The following TESMIN variants were observed in gnomAD, a reference collection of about 807,000 sequenced individuals.
TESMIN encodes the protein CXC domain containing 2.
Under a neutral mutation model 47.4 loss-of-function variants are expected in TESMIN, and 34 were observed. The ratio of observed to expected loss-of-function variants is 0.72; its 90% confidence interval spans 0.55 to 0.96. The LOEUF (loss-of-function observed/expected upper bound fraction) is 0.96, where lower values mean the gene tolerates loss of function less well. Among genes scored for constraint, TESMIN ranks in the 40% least tolerant of loss-of-function variants. TESMIN has a pLI of 0.00. For synonymous variants in TESMIN, 278 were observed against 258.9 expected (o/e 1.07, Z -0.71); for missense variants, 610 against 637.2 (o/e 0.96, Z 0.46).
At chr11:68,714,146 G>A (rs1484846054) in intron 7 of TESMIN, among the ~76,000 whole-genome samples, 1 of 152,228 alleles carries the variant, frequency 6.6e-6, no homozygotes, top group African/African-American at 2.4e-5. Context: ...GGTCACAGTG[G>A]AAGTCTGTGG....
At chr11:68,742,965 C>T (rs1946475492) in intron 4 of TESMIN, among the ~76,000 whole-genome samples, 1 of 151,962 alleles carries the variant, frequency 6.6e-6, no homozygotes, top group Non-Finnish European at 1.5e-5. Context: ...CAGCCTTGAC[C>T]CCCCTAGGCT....
At chr11:68,714,238 G>A (rs1566312639) in intron 7 of TESMIN, among the ~76,000 whole-genome samples, 1 of 152,250 alleles carries the variant, frequency 6.6e-6, no homozygotes, top group Non-Finnish European at 1.5e-5. Flanking sequence ...CATCGCTACA[G>A]AATGTGCTGC....
intron 9 of TESMIN, 48 bp from the exon 10 acceptor site, chr11:68,708,548 T>C (rs767733756): frequency 2.7e-5 from 39 of 1,433,926 alleles, no homozygotes; most frequent in Non-Finnish European, 3.4e-5. Context: ...GCACCATTTC[T>C]ACCTACAGTA....
chr11:68,750,775 A>T, intron 1 of TESMIN, 76 bp from the exon 2 acceptor site: 1 of 23,168 alleles, frequency 4.3e-5, no homozygotes, highest in Non-Finnish European at 6.1e-5. Flanking sequence ...GGGACAGCCA[A>T]GGGAGGGGCA....
At chr11:68,705,736 G>GTT (rs1329859607), downstream of TESMIN, among the ~76,000 whole-genome samples, 8 of 152,200 alleles carry the variant, frequency 5.3e-5, no homozygotes, top group African/African-American at 1.9e-4. Flanking sequence ...GAAAGATATG[G>GTT]TTAAGGCTGG....
intron 6 of TESMIN, chr11:68,737,440 G>A (rs948063244): frequency 2.0e-6 from 2 of 985,574 alleles, no homozygotes; most frequent in Non-Finnish European, 2.4e-6. Context: ...CCAGATTCAC[G>A]GCCTTTCATT....
chr11:68,747,017 A>T (rs1946529223), intron 3 of TESMIN, 191 bp downstream of exon 3: 1 of 612,388 alleles, frequency 1.6e-6, no homozygotes, highest in Non-Finnish European at 2.9e-6. Flanking sequence ...GCTAAGATGG[A>T]GTAGAAATGA....
intron 6 of TESMIN, among the ~76,000 whole-genome samples, chr11:68,727,967 C>T (rs1214707598): frequency 1.3e-5 from 2 of 152,180 alleles, no homozygotes; most frequent in Admixed American, 6.5e-5. Flanking sequence ...ATGAACTTAA[C>T]TGATGAATGC....
At chr11:68,714,081 A>G in intron 7 of TESMIN, among the ~76,000 whole-genome samples, 1 of 152,220 alleles carries the variant, frequency 6.6e-6, no homozygotes. Flanking sequence ...ACAAATACAT[A>G]CATATCTTTA....
intron 6 of TESMIN, among the ~76,000 whole-genome samples, chr11:68,728,650 C>T (rs1250354789): frequency 6.6e-6 from 1 of 152,224 alleles, no homozygotes; most frequent in Non-Finnish European, 1.5e-5. Context: ...GAAGTCAATG[C>T]CTGGCTTCAA....
rs148287677 is a variant in TESMIN, at chr11:68,708,485, G to A, written c.1350C>T (p.Cys450=). ...TGGCCTCCACCACCTCCCAGGAGATGCATGAGGAAGGCCGCCTGTCAGAAA... is the reference window on the plus strand; with the variant it reads ...TGGCCTCCACCACCTCCCAGGAGATACATGAGGAAGGCCGCCTGTCAGAAA... ...RFSHDRRPSS[C]ISWEVVEATC... is the part of the protein sequence containing the mutation. Residue 450 remains cysteine (C), a synonymous_variant, in exon 10 of 10, where the codon TGC becomes TGT. Coordinates refer to ENST00000255087, the MANE Select transcript of TESMIN (RefSeq NM_004923.3). The A allele has an allele frequency of 1.2e-6, 2 of 1,608,646 alleles. No homozygotes were observed. The highest frequency in any genetic ancestry group is 1.7e-6 in the Non-Finnish European group (2 of 1,177,910).
chr11:68,742,737 T>C (rs1946471428), intron 4 of TESMIN, among the ~76,000 whole-genome samples: 1 of 152,162 alleles, frequency 6.6e-6, no homozygotes, highest in African/African-American at 2.4e-5. Context: ...GGAAAAAAAA[T>C]GTTTGAGATA....
rs1361185219 is a variant in TESMIN at position 68,708,413 on chromosome 11, G to A, written c.1422C>T (p.His474=). ...TCTGCTCTGCCAGGCACTTGGAGCAGTGTTCTTTCTCGGCCTCTTCTCCCT... is the reference window on the plus strand; with the variant it reads ...TCTGCTCTGCCAGGCACTTGGAGCAATGTTCTTTCTCGGCCTCTTCTCCCT... The part of the protein sequence containing the change: ...LAQGEEAEKE[H]CSKCLAEQMI... The change falls in exon 10 of 10, where the codon CAC becomes CAT. Residue 474 remains histidine, a synonymous_variant. Coordinates refer to ENST00000255087, the MANE Select transcript of TESMIN (RefSeq NM_004923.3). The A allele has an allele frequency of 1.2e-6, 2 of 1,614,088 alleles. No individual in the cohort carries two copies. Among genetic ancestry groups the A allele is most frequent in the African/African-American group, 2.7e-5 (2 of 74,936 alleles).
chr11:68,726,244 T>C (rs10791993), intron 6 of TESMIN, among the ~76,000 whole-genome samples: 106,188 of 151,976 alleles, frequency 0.7, 37,724 homozygotes, highest in East Asian at 0.86. Flanking sequence ...AGGAAATGTG[T>C]GTGTGATCCT....
intron 6 of TESMIN, among the ~76,000 whole-genome samples, chr11:68,732,344 A>G (rs963561276): frequency 3.9e-5 from 6 of 152,258 alleles, no homozygotes; most frequent in African/African-American, 1.4e-4. Flanking sequence ...ACGTAATTCA[A>G]GTTAAGCCTT....
At position 68,750,532 on chromosome 11, in the gene TESMIN, C is replaced by T. The variant is rs1306243719; in HGVS notation, c.129G>A (p.Glu43=). ...CTTCTTTGAAGACGTGGAACTCGTCCTCCTCGTACTTCACGGGGGCCTTCA... is the reference window on the plus strand; with the variant it reads ...CTTCTTTGAAGACGTGGAACTCGTCTTCCTCGTACTTCACGGGGGCCTTCA... ...IGLKAPVKYE[E]DEFHVFKEAY... The change falls in exon 2 of 10, where the codon GAG becomes GAA. Residue 43 remains glutamate (E), a synonymous_variant. Transcript: ENST00000255087. 1.9e-6 allele frequency: 3 copies of T among 1,605,436 alleles called. No individual in the cohort carries two copies. Among genetic ancestry groups the T allele is most frequent in the Non-Finnish European group, 2.5e-6 (3 of 1,176,668 alleles).
intron 6 of TESMIN, chr11:68,736,231 G>A: frequency 1.0e-6 from 1 of 985,338 alleles, no homozygotes; most frequent in Non-Finnish European, 1.2e-6. Flanking sequence ...TTGGTAATAG[G>A]ATTATTAAAG....
At position 68,708,429 on chromosome 11, in the gene TESMIN, T is replaced by C; in HGVS notation, c.1406A>G (p.Glu469Gly). 3 of 1,614,214 alleles carry C rather than the reference T, an allele frequency of 1.9e-6. No homozygotes were observed. The highest frequency in any genetic ancestry group is 2.5e-6 in the Non-Finnish European group (3 of 1,180,038). The change falls in exon 10 of 10, where the codon GAG becomes GGG. Residue 469 changes from glutamate to glycine, a missense_variant. Physicochemically the swap from Glu to Gly is moderately conservative, Grantham distance 98. Transcript: ENST00000255087. The part of the protein sequence containing the change: ...TCACLLAQGE[E>G]AEKEHCSKCL... The stretch of plus-strand genomic sequence containing the variant: ...CTTGGAGCAGTGTTCTTTCTCGGCC[T>C]CTTCTCCCTGAGCAAGCAGGCAGGC...
intron 4 of TESMIN, 174 bp downstream of exon 4, chr11:68,744,817 A>G (rs1184474319): frequency 3.9e-6 from 2 of 510,650 alleles, no homozygotes; most frequent in Non-Finnish European, 3.3e-6. Context: ...GGGTACAAAA[A>G]TTAGTCTATA....
Sources: allele counts gnomAD v4.1 joint callset (sites outside exome capture counted in the v4.1 genomes callset), GRCh38; gene constraint gnomAD v4.1.1; transcripts MANE v1.5; gene names NCBI Gene and HGNC (gene_info 2026-07-23, HGNC 2026-07-21).